Variants in LEPR observed in about 807,000 individuals in gnomAD.
LEPR encodes leptin receptor, also known as OB receptor.
A neutral mutation model predicts 114.7 loss-of-function variants in LEPR; 56 were observed. The observed-to-expected ratio is 0.49, with a 90% CI of 0.39 to 0.61. The LOEUF (loss-of-function observed/expected upper bound fraction) is 0.61. Ranked by LOEUF, LEPR falls within the 20% of genes least tolerant of loss-of-function variation. The pLI is 0.00. For missense variants in LEPR, 1,202 were observed against 1,352.9 expected (o/e 0.89, Z 1.75); for synonymous variants, 443 against 461.4 (o/e 0.96, Z 0.51).
chr1:65,463,743 C>T (rs918993169), intron 2 of LEPR, among the ~76,000 whole-genome samples: 13 of 152,076 alleles, frequency 8.5e-5, no homozygotes, highest in Admixed American at 4.6e-4. Flanking sequence ...CTTCACATCC[C>T]TTGTAAGTTG....
chr1:65,522,673 G>A (rs1391746312), intron 2 of LEPR, among the ~76,000 whole-genome samples: 1 of 152,026 alleles, frequency 6.6e-6, no homozygotes. Context: ...TAAAATACTT[G>A]GATAAAATAT....
chr1:65,604,320 TTTTA>T (rs1009018844), intron 10 of LEPR, among the ~76,000 whole-genome samples: 1 of 152,012 alleles, frequency 6.6e-6, no homozygotes, highest in Non-Finnish European at 1.5e-5. Context: ...ATTGTCTGTA[TTTTA>T]TTTATTTTAA....
At chr1:65,456,207 G>A (rs148894127) in intron 2 of LEPR, among the ~76,000 whole-genome samples, 1 of 151,980 alleles carries the variant, frequency 6.6e-6, no homozygotes, top group Admixed American at 6.5e-5. Flanking sequence ...AGATGAACCT[G>A]GTACCTCAGA....
intron 8 of LEPR, among the ~76,000 whole-genome samples, 184 bp downstream of exon 8, chr1:65,598,988 T>G (rs1421307278): frequency 6.6e-6 from 1 of 152,140 alleles, no homozygotes; most frequent in Non-Finnish European, 1.5e-5. Context: ...CCTCTAGGCT[T>G]GTGTGTTTCT....
chr1:65,623,097 A>C (rs1038541319), intron 19 of LEPR, 116 bp downstream of exon 19: 1 of 947,424 alleles, frequency 1.1e-6, no homozygotes, highest in African/African-American at 1.7e-5. Context: ...TATTCAATTC[A>C]TCTTAATATA....
chr1:65,465,494 A>G (rs573152845), intron 2 of LEPR, among the ~76,000 whole-genome samples: 1 of 152,306 alleles, frequency 6.6e-6, no homozygotes, highest in South Asian at 2.1e-4. Flanking sequence ...GGAGGAATGT[A>G]TATTCTGTTG....
intron 2 of LEPR, among the ~76,000 whole-genome samples, chr1:65,497,830 T>A (rs1462676187): frequency 6.6e-6 from 1 of 152,160 alleles, no homozygotes; most frequent in Non-Finnish European, 1.5e-5. Context: ...AGGACTGGAA[T>A]GTGAAATTTT....
In LEPR at chr1:65,426,404, A is replaced by G. The variant is rs1341109241; in HGVS notation, c.-21+1026A>G. 5.3e-5 allele frequency among the ~76,000 whole-genome samples: 8 copies of G among 152,266 alleles called. No individual in the cohort carries two copies. The South Asian group carries it at 1.4e-3, about 28-fold the overall frequency. ...GGTTCCATTTTATACATCAGACAATAGAACCTGGGAAAATATCTTGAGAAT... is the reference window on the plus strand; with the variant it reads ...GGTTCCATTTTATACATCAGACAATGGAACCTGGGAAAATATCTTGAGAAT... On this transcript the variant is annotated intron_variant, in intron 2 of 19. Coordinates refer to ENST00000349533, the MANE Select transcript of LEPR (RefSeq NM_002303.6).
At chr1:65,441,605 G>A (rs975761868) in intron 2 of LEPR, among the ~76,000 whole-genome samples, 1 of 152,086 alleles carries the variant, frequency 6.6e-6, no homozygotes, top group Non-Finnish European at 1.5e-5. Flanking sequence ...TATGGCCCAC[G>A]ACAGGGAAGG....
At chr1:65,486,868 T>C (rs953033631) in intron 2 of LEPR, among the ~76,000 whole-genome samples, 3 of 152,178 alleles carry the variant, frequency 2.0e-5, no homozygotes, top group African/African-American at 7.2e-5. Context: ...GTTTCCATGA[T>C]GGTCAGCTGT....
Position 65,484,076 on chromosome 1 carries a change from C to T in LEPR, c.-21+58698C>T, listed in dbSNP as rs981086638. 2.6e-5 allele frequency among the ~76,000 whole-genome samples: 4 copies of T among 151,868 alleles called. No individual in the cohort carries two copies. In the South Asian group the frequency reaches 6.2e-4, roughly 24 times the overall value. On this transcript the variant is annotated intron_variant, in intron 2 of 19. Transcript: ENST00000349533. ...CTTGTTACATTGCCCAGGCTGGTCT[C>T]GAACCCCTAGCTTCAAGAGATCCTC... is the stretch of plus-strand genomic sequence containing the variant.
rs555129752 is a variant in LEPR, at chr1:65,553,183, G to A, written c.-20-12363G>A. Among the ~76,000 whole-genome samples the A allele has an allele frequency of 3.9e-5, 6 of 152,168 alleles. No individual in the cohort carries two copies. In the East Asian group the frequency reaches 7.7e-4, roughly 20 times the overall value. On this transcript the variant is annotated intron_variant, in intron 2 of 19. Coordinates refer to ENST00000349533, the MANE Select transcript of LEPR (RefSeq NM_002303.6). ...TCATTTCAACCTTGGTGAATTTGAC[G>A]ATTATATGTCTTCAGGTTGCTCTTC...
chr1:65,635,004 T>G (rs1488989819), intron 19 of LEPR: 1 of 830,034 alleles, frequency 1.2e-6, no homozygotes, highest in Non-Finnish European at 1.5e-6. Flanking sequence ...TCTATTCCAT[T>G]ATTATATTTT....
intron 2 of LEPR, among the ~76,000 whole-genome samples, chr1:65,546,235 G>T (rs1651708049): frequency 6.6e-6 from 1 of 152,192 alleles, no homozygotes; most frequent in South Asian, 2.1e-4. Context: ...TTGAAGTCAG[G>T]TAGAGTGATG....
intron 2 of LEPR, among the ~76,000 whole-genome samples, chr1:65,436,668 G>A (rs1436345356): frequency 6.6e-6 from 1 of 152,204 alleles, no homozygotes; most frequent in Non-Finnish European, 1.5e-5. Flanking sequence ...TCTTAATCCT[G>A]AGATTGCTCA....
intron 2 of LEPR, among the ~76,000 whole-genome samples, chr1:65,540,610 C>A (rs1334245376): frequency 2.6e-5 from 4 of 152,294 alleles, no homozygotes; most frequent in South Asian, 4.2e-4. Context: ...CCTTTATAGT[C>A]TACAGGACCA....
chr1:65,601,254 T>A, intron 8 of LEPR, 138 bp from the exon 9 acceptor site: 1 of 1,038,652 alleles, frequency 9.6e-7, no homozygotes. Context: ...AATTTCAGCA[T>A]TATCCAGTTT....
chr1:65,420,860 C>G, intron 1 of LEPR, 120 bp downstream of exon 1: 1 of 1,277,532 alleles, frequency 7.8e-7, no homozygotes, highest in Non-Finnish European at 1.1e-6. Flanking sequence ...CTTCCCGCCT[C>G]TCCGGTTCGG....
At chr1:65,540,128 T>C (rs1295113496) in intron 2 of LEPR, among the ~76,000 whole-genome samples, 2 of 152,196 alleles carry the variant, frequency 1.3e-5, no homozygotes, top group Non-Finnish European at 2.9e-5. Context: ...AGATATTACA[T>C]GTGCAGACCA....
Sources: allele counts gnomAD v4.1 joint callset (sites outside exome capture counted in the v4.1 genomes callset), GRCh38; gene constraint gnomAD v4.1.1; transcripts MANE v1.5; gene names NCBI Gene and HGNC (gene_info 2026-07-23, HGNC 2026-07-21).